PAK3: variants seen among roughly 807,000 people sequenced by gnomAD.
PAK3 encodes the protein serine/threonine-protein kinase PAK 3.
In PAK3, 4 loss-of-function variants were observed where a neutral mutation model predicts 41.0. The ratio of observed to expected loss-of-function variants is 0.10; its 90% CI spans 0.05 to 0.22. The LOEUF is 0.22. PAK3 is among the 10% of genes least tolerant of loss of function. PAK3 has a pLI of 1.00. For missense variants in PAK3, 205 were observed against 409.9 expected (o/e 0.50, Z 4.32); for synonymous variants, 146 against 139.6 (o/e 1.05, Z -0.32).
chrX:111,197,715 G>T (rs760422247), intron 16 of PAK3, among the ~76,000 whole-genome samples: 1 of 110,315 alleles, frequency 9.1e-6, no homozygotes, highest in African/African-American at 3.3e-5. Context: ...TTTTGAGACA[G>T]AGTCTTGCTC....
intron 1 of PAK3, among the ~76,000 whole-genome samples, chrX:110,950,029 G>T (rs1419199633): frequency 9.0e-6 from 1 of 111,304 alleles, no homozygotes; most frequent in African/African-American, 3.3e-5. Context: ...AGTTGTCTTA[G>T]ATTCTGGAAC....
chrX:111,033,447 C>T, intron 1 of PAK3, among the ~76,000 whole-genome samples: 1 of 112,353 alleles, frequency 8.9e-6, no homozygotes, highest in Non-Finnish European at 1.9e-5. Context: ...ACATTGACTG[C>T]ACTCACCTTG....
At chrX:111,006,552 C>CAA (rs1459784961) in intron 1 of PAK3, among the ~76,000 whole-genome samples, 2 of 111,397 alleles carry the variant, frequency 1.8e-5, no homozygotes, top group Non-Finnish European at 3.8e-5. Context: ...TTTTGAAATA[C>CAA]AAAATTCTTT....
chrX:111,114,167 G>A (rs2093423300), intron 4 of PAK3, among the ~76,000 whole-genome samples: 1 of 111,942 alleles, frequency 8.9e-6, no homozygotes, highest in African/African-American at 3.3e-5. Flanking sequence ...GGGTCAAATG[G>A]TATTTCTAGT....
At chrX:111,170,106 C>G (rs970972910) in intron 10 of PAK3, among the ~76,000 whole-genome samples, 3 of 110,635 alleles carry the variant, frequency 2.7e-5, no homozygotes, top group South Asian at 3.9e-4. Flanking sequence ...GGGAGCCCAA[C>G]TAAAGCAGTA....
At chrX:111,151,663 T>C (rs755527304) in intron 7 of PAK3, among the ~76,000 whole-genome samples, 30 of 112,304 alleles carry the variant, frequency 2.7e-4, no homozygotes, top group African/African-American at 8.1e-4. Context: ...ATGTTTTTTT[T>C]CTATACCTAC....
chrX:110,964,264 T>C lies in PAK3; in HGVS notation c.-28+19636T>C, dbSNP rs575012134. 2.0e-4 allele frequency among the ~76,000 whole-genome samples: 22 copies of C among 112,175 alleles called. No individual in the cohort carries two copies. In the South Asian group the frequency reaches 8.3e-3, roughly 42 times the overall value. ...TTTTCTGATTCAAAAGCTCAAGCAT[T>C]TTCAAGTGTGAGAAAATGTGAGATC... On this transcript the variant is annotated intron_variant, in intron 1 of 14. Transcript: ENST00000425146.
rs199904867 is a variant in PAK3 at position 111,178,976 on chromosome X, T to TAGAG, written c.830+5896_830+5897insGAGA. Among the ~76,000 whole-genome samples, 288 of 96,114 alleles carry TAGAG rather than the reference T, an allele frequency of 3.0e-3. 4 individuals are homozygous for TAGAG. The highest frequency in any genetic ancestry group is 0.011 in the African/African-American group (261 of 23,677). The allele number at this position is 96,114 out of a possible 115,157, so 83.5% of individuals were successfully genotyped here. On this transcript the variant is annotated intron_variant, in intron 11 of 17. Coordinates refer to ENST00000372007, the MANE Select transcript of PAK3 (RefSeq NM_002578.5). ...AAACTGTTTTATATATATATATATATATATAGAGAGAGAGATATCTGTATA... is the reference window on the plus strand; with the variant it reads ...AAACTGTTTTATATATATATATATATAGAGATATAGAGAGAGAGATATCTGTATA...
intron 1 of PAK3, among the ~76,000 whole-genome samples, chrX:111,030,632 G>A (rs1025022551): frequency 9.0e-6 from 1 of 111,091 alleles, no homozygotes; most frequent in African/African-American, 3.3e-5. Context: ...TAGTTGAAGG[G>A]ATGTTGGATG....
chrX:110,950,107 C>T (rs936665753), intron 1 of PAK3, among the ~76,000 whole-genome samples: 1 of 110,904 alleles, frequency 9.0e-6, no homozygotes, highest in African/African-American at 3.3e-5. Context: ...GGGAGTGGCA[C>T]AGCATGGCTC....
chrX:111,146,462 TA>T, intron 6 of PAK3: 1 of 794,005 alleles, frequency 1.3e-6, no homozygotes, highest in Non-Finnish European at 1.9e-6. Context: ...TCCCACCTTC[TA>T]AGTTGTCCCA....
At chrX:111,035,343 C>T (rs1438476720) in intron 1 of PAK3, among the ~76,000 whole-genome samples, 5 of 111,179 alleles carry the variant, frequency 4.5e-5, no homozygotes, top group Admixed American at 9.5e-5. Context: ...CTGCACTCTG[C>T]GGGGACTTAC....
At chrX:111,018,914 G>T (rs1018374546) in intron 1 of PAK3, among the ~76,000 whole-genome samples, 1 of 111,362 alleles carries the variant, frequency 9.0e-6, no homozygotes, top group African/African-American at 3.3e-5. Context: ...TGGAGTAGAA[G>T]AGAGCCCAGA....
At chrX:111,078,171 G>T (rs755455048) in intron 1 of PAK3, among the ~76,000 whole-genome samples, 10 of 111,176 alleles carry the variant, frequency 9.0e-5, no homozygotes, top group Non-Finnish European at 1.9e-4. Context: ...TTTTGGTGAG[G>T]ATGTGGAGAA....
chrX:110,958,468 C>T lies in PAK3; in HGVS notation c.-28+13840C>T, dbSNP rs981567579. On this transcript the variant is annotated intron_variant, in intron 1 of 14. Coordinates refer to the PAK3 transcript ENST00000425146. ...GGAAAAGAGATGGTGGTGGCCTGGA[C>T]TAGAGGTGACAGTGGCCATGAAGAG... 5.4e-5 allele frequency among the ~76,000 whole-genome samples: 6 copies of T among 111,431 alleles called. No individual in the cohort carries two copies. In the Admixed American group the frequency reaches 5.7e-4, roughly 11 times the overall value.
intron 1 of PAK3, among the ~76,000 whole-genome samples, chrX:111,062,891 T>C (rs2092669299): frequency 3.6e-5 from 4 of 109,904 alleles, no homozygotes; most frequent in African/African-American, 1.3e-4. Context: ...CCCTTGGAGA[T>C]TGTCATCTTG....
chrX:110,992,130 T>G (rs1448574294), intron 1 of PAK3, among the ~76,000 whole-genome samples: 1 of 110,122 alleles, frequency 9.1e-6, no homozygotes, highest in East Asian at 2.9e-4. Flanking sequence ...ACCAAGAAGG[T>G]AATCTTTTGA....
At chrX:111,031,545 C>A (rs2092340633) in intron 1 of PAK3, among the ~76,000 whole-genome samples, 1 of 111,711 alleles carries the variant, frequency 9.0e-6, no homozygotes, top group African/African-American at 3.3e-5. Flanking sequence ...GAGGTGGGAG[C>A]AGCTTTTCCT....
chrX:111,025,515 A>G (rs1251770343), intron 1 of PAK3, among the ~76,000 whole-genome samples: 3 of 111,245 alleles, frequency 2.7e-5, no homozygotes, highest in African/African-American at 9.8e-5. Context: ...ATGAGCACCT[A>G]TAAGTGCATA....
Sources: gnomAD v4.1 joint callset for allele counts (sites outside exome capture counted in the v4.1 genomes callset) on GRCh38, gnomAD v4.1.1 for gene constraint, MANE v1.5 for transcripts, NCBI Gene and HGNC (gene_info 2026-07-23, HGNC 2026-07-21) for gene names.